The following FOLH1 variants were observed in gnomAD, a reference collection of about 807,000 sequenced individuals.
The protein encoded by FOLH1 is glutamate carboxypeptidase 2.
A neutral mutation model predicts 93.9 loss-of-function variants in FOLH1; 54 were observed. The observed-to-expected ratio is 0.57, with a 90% confidence interval of 0.46 to 0.72. The LOEUF (loss-of-function observed/expected upper bound fraction) is 0.72. Ranked by LOEUF, FOLH1 falls within the 30% of genes least tolerant of loss-of-function variation. The pLI is 0.00. For missense variants in FOLH1, 571 were observed against 892.5 expected (o/e 0.64, Z 4.59); for synonymous variants, 249 against 303.6 (o/e 0.82, Z 1.87).
intron 4 of FOLH1, among the ~76,000 whole-genome samples, chr11:49,187,413 T>C (rs865998766): frequency 6.6e-6 from 1 of 152,204 alleles, no homozygotes; most frequent in Non-Finnish European, 1.5e-5. Context: ...AAATTTTTTA[T>C]CATACCTTTA....
At chr11:49,194,396 T>A (rs1245950468) in intron 3 of FOLH1, among the ~76,000 whole-genome samples, 11 of 151,988 alleles carry the variant, frequency 7.2e-5, no homozygotes, top group Non-Finnish European at 1.2e-4. Context: ...CAAATTAGCC[T>A]TAAAGAATTC....
intron 12 of FOLH1, among the ~76,000 whole-genome samples, chr11:49,167,028 T>TAACAAC (rs1237875046): frequency 1.7e-5 from 2 of 115,130 alleles, no homozygotes; most frequent in Non-Finnish European, 4.1e-5. Flanking sequence ...AAAACAACAA[T>TAACAAC]AACAACAACA....
intron 13 of FOLH1, among the ~76,000 whole-genome samples, chr11:49,162,090 T>G (rs559881288): frequency 2.0e-5 from 3 of 152,254 alleles, no homozygotes; most frequent in Non-Finnish European, 4.4e-5. Flanking sequence ...GAGAATCTGA[T>G]GAGTATGTGT....
Position 49,157,942 on chromosome 11 carries a change from A to C in FOLH1, c.1532+10T>G, listed in dbSNP as rs369264414. 62 of 1,569,908 alleles carry C rather than the reference A, an allele frequency of 3.9e-5. No individual in the cohort carries two copies. Among genetic ancestry groups the C allele is most frequent in the Non-Finnish European group, 5.4e-5 (62 of 1,156,744 alleles). The stretch of plus-strand genomic sequence containing the variant: ...ACTGAATTCAGTGGAAACTTCATTC[A>C]TTTGTTTACCTGGGCATGCCACTGA... On this transcript the variant is annotated intron_variant, in intron 14 of 18. Coordinates refer to ENST00000256999, the MANE Select transcript of FOLH1 (RefSeq NM_004476.3).
intron 2 of FOLH1, among the ~76,000 whole-genome samples, chr11:49,204,907 TAA>T (rs986344906): frequency 6.6e-6 from 1 of 150,952 alleles, no homozygotes; most frequent in African/African-American, 2.4e-5. Flanking sequence ...ATCTCATGCT[TAA>T]AAAAAAAGCA....
intron 3 of FOLH1, among the ~76,000 whole-genome samples, chr11:49,196,457 T>C (rs1462285267): frequency 6.6e-5 from 10 of 152,080 alleles, no homozygotes; most frequent in Non-Finnish European, 1.0e-4. Context: ...ACCCAACTCA[T>C]TTTAGAAGGC....
chr11:49,196,270 A>G (rs1399498564), intron 3 of FOLH1, among the ~76,000 whole-genome samples: 1 of 152,244 alleles, frequency 6.6e-6, no homozygotes, highest in East Asian at 1.9e-4. Flanking sequence ...CATTTAACAA[A>G]CAATAAAAAT....
At position 49,146,700 on chromosome 11, in the gene FOLH1, AT is replaced by A. The variant is rs1855804476; in HGVS notation, c.*55del. The A allele has an allele frequency of 6.6e-7, 1 of 1,522,764 alleles. No homozygotes were observed. The highest frequency in any genetic ancestry group is 1.4e-5 in the African/African-American group (1 of 71,974). The allele number at this position is 1,522,764 out of a possible 1,614,324, so 94.3% of individuals were successfully genotyped here. A position where few individuals can be genotyped will look rare whatever the true frequency, so the allele number is the denominator to read the frequency against. ...AAAATTTATCAATATACCCATTACG[AT>A]TCTTTCTGAGTGACATACCACACAA... On this transcript the variant is annotated 3_prime_UTR_variant, in exon 19 of 19. Transcript: ENST00000256999.
chr11:49,151,382 A>G (rs1398530725), intron 17 of FOLH1, among the ~76,000 whole-genome samples: 1 of 152,086 alleles, frequency 6.6e-6, no homozygotes, highest in Non-Finnish European at 1.5e-5. Context: ...ACTCGTGGCC[A>G]CACACACGTA....
chr11:49,197,441 AT>A, intron 3 of FOLH1, among the ~76,000 whole-genome samples: 1 of 152,318 alleles, frequency 6.6e-6, no homozygotes, highest in Middle Eastern at 3.4e-3. Context: ...CTAAAACAAT[AT>A]TAGTTTATAA....
intron 7 of FOLH1, among the ~76,000 whole-genome samples, chr11:49,180,448 T>C (rs1461868150): frequency 6.6e-6 from 1 of 152,210 alleles, no homozygotes; most frequent in African/African-American, 2.4e-5. Context: ...TTGAAGTTTT[T>C]AACATCACTC....
intron 18 of FOLH1, 71 bp downstream of exon 18, chr11:49,148,568 C>T: frequency 8.5e-7 from 1 of 1,181,406 alleles, no homozygotes; most frequent in Non-Finnish European, 1.2e-6. Context: ...ATTTTTTCCA[C>T]AGTGAAAAAA....
Position 49,145,949 on chromosome 11 carries a change from A to ATC in FOLH1, c.*805_*806dup, listed in dbSNP as rs923226033. Among the ~76,000 whole-genome samples, 1 of 152,194 alleles carries ATC rather than the reference A, an allele frequency of 6.6e-6. No individual in the cohort carries two copies. The highest frequency in any genetic ancestry group is 6.5e-5 in the Admixed American group (1 of 15,272). On this transcript the variant is annotated 3_prime_UTR_variant, in exon 19 of 19. Transcript: ENST00000256999. ...GAACCCTTAAAAGTCAATGAAAAAA[A>ATC]TCAAGTCCCTGAAAATTACACATGG...
rs1375326555 is a variant in FOLH1, at chr11:49,185,858, A to G, written c.640-3T>C. ...CCTGCCAGCTGGGCATTTTTAACCT[A>G]GAAAACACAGTGTCTTTCTTTCCTT... On this transcript the variant is annotated splice_polypyrimidine_tract_variant and splice_region_variant and intron_variant, in intron 5 of 18. Transcript: ENST00000256999. 1 of 1,528,522 alleles carries G rather than the reference A, an allele frequency of 6.5e-7. No individual in the cohort carries two copies. Among genetic ancestry groups the G allele is most frequent in the African/African-American group, 1.4e-5 (1 of 71,194 alleles). The allele number at this position is 1,528,522 out of a possible 1,614,324, so 94.7% of individuals were successfully genotyped here.
At chr11:49,189,318 G>A (rs1160406915) in intron 4 of FOLH1, among the ~76,000 whole-genome samples, 1 of 152,024 alleles carries the variant, frequency 6.6e-6, no homozygotes, top group Admixed American at 6.6e-5. Flanking sequence ...ATTTTATTTT[G>A]GTTATTGTTT....
intron 4 of FOLH1, among the ~76,000 whole-genome samples, chr11:49,187,895 T>C (rs1167225605): frequency 2.0e-5 from 3 of 152,196 alleles, no homozygotes; most frequent in African/African-American, 7.2e-5. Context: ...CATCTCAGTC[T>C]AACGTAGGAC....
chr11:49,185,007 A>G (rs1861205624), intron 6 of FOLH1, among the ~76,000 whole-genome samples: 2 of 151,656 alleles, frequency 1.3e-5, no homozygotes, highest in Admixed American at 1.3e-4. Flanking sequence ...AGATAATAAC[A>G]CCCCCTAGCT....
intron 15 of FOLH1, 74 bp downstream of exon 15, chr11:49,156,643 T>G: frequency 6.3e-7 from 1 of 1,576,750 alleles, no homozygotes; most frequent in East Asian, 2.3e-5. Context: ...CTTGAGTCAC[T>G]TTTTGGAGTC....
At chr11:49,176,967 T>C (rs901587334) in intron 7 of FOLH1, among the ~76,000 whole-genome samples, 1 of 152,250 alleles carries the variant, frequency 6.6e-6, no homozygotes, top group African/African-American at 2.4e-5. Context: ...TTCTCTGCGG[T>C]CACGCACCCT....
Sources: gnomAD v4.1 joint callset for allele counts (sites outside exome capture counted in the v4.1 genomes callset) on GRCh38, gnomAD v4.1.1 for gene constraint, MANE v1.5 for transcripts, NCBI Gene and HGNC (gene_info 2026-07-23, HGNC 2026-07-21) for gene names.